HTT: variants seen among roughly 807,000 people sequenced by gnomAD.
HTT encodes the protein huntingtin.
In HTT, 104 loss-of-function variants were observed where a neutral mutation model predicts 362.3. The ratio of observed to expected loss-of-function variants is 0.29; its 90% CI spans 0.24 to 0.34. HTT has a LOEUF of 0.34. Among genes scored for constraint, HTT ranks in the 10% least tolerant of loss-of-function variants. The probability of loss-of-function intolerance (pLI) is 1.00; values close to 1 mark genes in which losing one functional copy is unlikely to be tolerated. For missense variants in HTT, 3,301 were observed against 3,928.6 expected (o/e 0.84, Z 4.27); for synonymous variants, 1,577 against 1,548.7 (o/e 1.02, Z -0.43).
At chr4:3,197,762 C>CT (rs1210677927) in intron 40 of HTT, among the ~76,000 whole-genome samples, 1 of 152,218 alleles carries the variant, frequency 6.6e-6, no homozygotes, top group African/African-American at 2.4e-5. Flanking sequence ...ACCAGGCAGT[C>CT]TGATTCAGAG....
intron 6 of HTT, among the ~76,000 whole-genome samples, chr4:3,111,068 G>A (rs1714720846): frequency 6.6e-6 from 1 of 152,020 alleles, no homozygotes; most frequent in East Asian, 1.9e-4. Flanking sequence ...CCCAGGTTGT[G>A]GTGCAGTGGT....
intron 26 of HTT, among the ~76,000 whole-genome samples, chr4:3,149,491 A>G (rs1291144180): frequency 6.6e-6 from 1 of 151,972 alleles, no homozygotes; most frequent in Admixed American, 6.6e-5. Context: ...TAGTTTTAGT[A>G]GAGACGGGGT....
In HTT at chr4:3,228,570, G is replaced by A; in HGVS notation, c.7849-45G>A. 1 of 1,515,818 alleles carries A rather than the reference G, an allele frequency of 6.6e-7. No individual in the cohort carries two copies. The highest frequency in any genetic ancestry group is 1.3e-5 in the South Asian group (1 of 75,466). The allele number at this position is 1,515,818 out of a possible 1,614,324, so 93.9% of individuals were successfully genotyped here. A position where few individuals can be genotyped will look rare whatever the true frequency, so the allele number is the denominator to read the frequency against. On this transcript the variant is annotated intron_variant, in intron 57 of 66. Coordinates refer to ENST00000355072, the MANE Select transcript of HTT (RefSeq NM_001388492.1). This position sits in a 1 kb window ranked among gnomAD's most constrained non-coding sequence, Gnocchi z 4.3. Reference sequence around the variant, plus strand: ...GGCCACACCCACCCACCAGGAGCCTGGCACTGTGGCCGCAGCACTGAGCAG... The same window carrying A: ...GGCCACACCCACCCACCAGGAGCCTAGCACTGTGGCCGCAGCACTGAGCAG...
intron 61 of HTT, among the ~76,000 whole-genome samples, chr4:3,234,207 G>T (rs1334227011): frequency 6.6e-6 from 1 of 152,274 alleles, no homozygotes; most frequent in African/African-American, 2.4e-5. Context: ...GTGTGAGCCA[G>T]GGCACATGCC....
chr4:3,193,938 G>A (rs1719131742), intron 40 of HTT, among the ~76,000 whole-genome samples: 2 of 152,126 alleles, frequency 1.3e-5, no homozygotes, highest in Non-Finnish European at 2.9e-5. Flanking sequence ...AGTTGTGTGT[G>A]TGTGTATATA....
intron 2 of HTT, among the ~76,000 whole-genome samples, chr4:3,094,406 G>C (rs892445024): frequency 8.5e-5 from 13 of 152,100 alleles, no homozygotes; most frequent in Non-Finnish European, 1.8e-4. Flanking sequence ...CGTCATCATG[G>C]ACTGTTCTCA....
chr4:3,186,792 A>G, intron 38 of HTT, 73 bp downstream of exon 38: 3 of 1,421,450 alleles, frequency 2.1e-6, no homozygotes, highest in South Asian at 1.2e-5. Flanking sequence ...GACCACCCCC[A>G]GAATGTCTGA....
At chr4:3,092,972 G>A (rs569727252) in intron 2 of HTT, among the ~76,000 whole-genome samples, 1 of 152,176 alleles carries the variant, frequency 6.6e-6, no homozygotes, top group African/African-American at 2.4e-5. Flanking sequence ...AGAGGAGACT[G>A]AGGCTGAGCC....
intron 29 of HTT, among the ~76,000 whole-genome samples, chr4:3,164,285 G>C (rs1307392800): frequency 1.3e-5 from 2 of 152,206 alleles, no homozygotes; most frequent in African/African-American, 4.8e-5. Context: ...ACTGTGGTCT[G>C]ACAGACAGTT....
intron 40 of HTT, among the ~76,000 whole-genome samples, chr4:3,198,776 C>A (rs1719386358): frequency 6.6e-6 from 1 of 152,224 alleles, no homozygotes. Context: ...CCGGTAGAAT[C>A]TAGCTGAGTG....
At chr4:3,213,558 C>CTGGCATT (rs1681009195) in intron 49 of HTT, among the ~76,000 whole-genome samples, 3 of 152,358 alleles carry the variant, frequency 2.0e-5, no homozygotes, top group Admixed American at 2.0e-4. Context: ...AGTAGCCATT[C>CTGGCATT]TGGCATTTGA....
In HTT at chr4:3,127,445, T is replaced by G; in HGVS notation, c.1584T>G (p.Asp528Glu). Residue 528 changes from aspartate (D) to glutamate (E), a missense_variant, in exon 12 of 67, where the codon GAT (aspartate) becomes GAG (glutamate). Asp to Glu is a conservative substitution (Grantham distance 45, BLOSUM62 2). Transcript: ENST00000355072. ...CTGCCACTGATGGGGATGAGGAGGATATCTTGAGCCACAGCTCCAGCCAGG... is the reference window on the plus strand; with the variant it reads ...CTGCCACTGATGGGGATGAGGAGGAGATCTTGAGCCACAGCTCCAGCCAGG... ...TSSATDGDEE[D>E]ILSHSSSQVS... 6.2e-7 allele frequency: 1 copy of G among 1,614,088 alleles called. No homozygotes were observed. Among genetic ancestry groups the G allele is most frequent in the African/African-American group, 1.3e-5 (1 of 75,018 alleles).
chr4:3,165,458 G>A (rs1010253345), intron 29 of HTT, among the ~76,000 whole-genome samples: 2 of 152,148 alleles, frequency 1.3e-5, no homozygotes, highest in Non-Finnish European at 2.9e-5. Context: ...ATGTTGGTCT[G>A]CCTTGCTAGG....
At chr4:3,222,584 T>C in intron 54 of HTT, 97 bp downstream of exon 54, 1 of 860,038 alleles carries the variant, frequency 1.2e-6, no homozygotes, top group Non-Finnish European at 1.8e-6. Flanking sequence ...TGGTGTTCTT[T>C]TTTTCTCTTA....
At chr4:3,222,764 T>C (rs544021684) in intron 54 of HTT, among the ~76,000 whole-genome samples, 1 of 152,356 alleles carries the variant, frequency 6.6e-6, no homozygotes, top group South Asian at 2.1e-4. Context: ...AAATATCTTT[T>C]AGTTTATCAA....
At chr4:3,105,742 C>T (rs1714392697) in intron 5 of HTT, among the ~76,000 whole-genome samples, 1 of 152,218 alleles carries the variant, frequency 6.6e-6, no homozygotes, top group Non-Finnish European at 1.5e-5. Context: ...ACAGTGTCTG[C>T]ACATAGTACT....
At chr4:3,081,550 CTTTTTTTTTTTT>C (rs770325842) in intron 1 of HTT, among the ~76,000 whole-genome samples, 11 of 84,484 alleles carry the variant, frequency 1.3e-4, no homozygotes, top group South Asian at 4.5e-4. Flanking sequence ...GAAAGCATTT[CTTTTTTTTTTTT>C]TTTTTTTTTT....
chr4:3,222,858 T>C (rs1022645059), intron 54 of HTT, among the ~76,000 whole-genome samples: 3 of 152,230 alleles, frequency 2.0e-5, no homozygotes, highest in Non-Finnish European at 2.9e-5. Flanking sequence ...TTTTCTAATG[T>C]CTTGCAGAGA....
intron 49 of HTT, among the ~76,000 whole-genome samples, chr4:3,213,611 A>G (rs772437678): frequency 2.4e-4 from 37 of 152,198 alleles, no homozygotes; most frequent in Non-Finnish European, 4.4e-4. Flanking sequence ...CTCAAATTCA[A>G]CCTATGACAG....
Sources: allele counts gnomAD v4.1 joint callset (sites outside exome capture counted in the v4.1 genomes callset), GRCh38; gene constraint gnomAD v4.1.1; non-coding constraint Gnocchi (gnomAD v3.1); transcripts MANE v1.5; gene names NCBI Gene and HGNC (gene_info 2026-07-23, HGNC 2026-07-21).